The following RMDN2 variants were observed in gnomAD, a reference collection of about 807,000 sequenced individuals.
RMDN2 encodes the protein regulator of microtubule dynamics 2, also known as regulator of microtubule dynamics protein 2.
In RMDN2, 61 loss-of-function variants were observed where a neutral mutation model predicts 52.8. The observed-to-expected ratio is 1.16, with a 90% CI of 0.94 to 1.43. RMDN2 has a LOEUF of 1.43. Among genes scored for constraint, RMDN2 ranks in the 40% most tolerant of loss-of-function variants. The pLI, the probability that RMDN2 is intolerant of heterozygous loss-of-function variation, is 0.00. For missense variants in RMDN2, 592 were observed against 475.3 expected (o/e 1.25, Z -2.28); for synonymous variants, 180 against 153.1 (o/e 1.18, Z -1.30).
At chr2:38,029,673 G>A (rs1304061428) in intron 10 of RMDN2, 2 of 151,604 alleles carry the variant, frequency 1.3e-5, no homozygotes, top group East Asian at 1.9e-4. Flanking sequence ...CAAGGAGAGA[G>A]TGGAGAAAGA....
chr2:37,990,370 T>G (rs1175661583), intron 6 of RMDN2, among the ~76,000 whole-genome samples: 1 of 146,318 alleles, frequency 6.8e-6, no homozygotes, highest in Admixed American at 6.8e-5. Context: ...AATACAAAAA[T>G]TAGCCAGGCA....
intron 3 of RMDN2, 58 bp from the exon 4 acceptor site, chr2:37,975,154 A>G (rs1048945139): frequency 1.7e-5 from 17 of 1,011,684 alleles, no homozygotes; most frequent in African/African-American, 9.5e-5. Context: ...AGAAAACAAG[A>G]ATAGAATAGA....
At chr2:37,985,184 T>G (rs1044234315) in intron 5 of RMDN2, among the ~76,000 whole-genome samples, 2 of 152,110 alleles carry the variant, frequency 1.3e-5, no homozygotes, top group Non-Finnish European at 2.9e-5. Flanking sequence ...AATAAAAGCC[T>G]AGAGATATCC....
intron 1 of RMDN2, chr2:37,928,752 A>G (rs991622366): frequency 3.3e-5 from 5 of 152,416 alleles, no homozygotes; most frequent in Non-Finnish European, 7.3e-5. Flanking sequence ...GCAGTTTTCT[A>G]TATGTCTACT....
intron 10 of RMDN2, among the ~76,000 whole-genome samples, chr2:38,053,386 A>C (rs75514920): frequency 0.03 from 4,525 of 152,264 alleles, 235 homozygotes; most frequent in African/African-American, 0.1. Flanking sequence ...GGAATGTCAA[A>C]CACACACACA....
At chr2:38,023,068 C>G (rs1216799436) in intron 10 of RMDN2, among the ~76,000 whole-genome samples, 1 of 152,116 alleles carries the variant, frequency 6.6e-6, no homozygotes, top group Non-Finnish European at 1.5e-5. Flanking sequence ...ATTACCTATT[C>G]CAAGTGTTTT....
chr2:38,065,577 C>T (rs750216543), intron 10 of RMDN2, among the ~76,000 whole-genome samples: 5 of 152,138 alleles, frequency 3.3e-5, no homozygotes, highest in Non-Finnish European at 7.4e-5. Flanking sequence ...CATCAAAAAG[C>T]TTGTTTCGTG....
At chr2:38,020,642 G>T (rs1324392051), downstream of RMDN2, among the ~76,000 whole-genome samples, 1 of 152,222 alleles carries the variant, frequency 6.6e-6, no homozygotes, top group African/African-American at 2.4e-5. Flanking sequence ...GCAATGAGGG[G>T]CTTAGCACCC....
intron 10 of RMDN2, chr2:38,030,604 T>G (rs1680126950): frequency 6.6e-6 from 1 of 152,240 alleles, no homozygotes; most frequent in East Asian, 1.9e-4. Flanking sequence ...TGTAAAAAAC[T>G]GGCTTTACAT....
chr2:37,937,545 C>T (rs1667411375), intron 2 of RMDN2, among the ~76,000 whole-genome samples: 1 of 152,084 alleles, frequency 6.6e-6, no homozygotes. Context: ...AATGTTTTTC[C>T]ATTTGTTTGT....
chr2:37,951,919 T>C, intron 2 of RMDN2: 2 of 1,613,464 alleles, frequency 1.2e-6, no homozygotes, highest in Non-Finnish European at 1.7e-6. Context: ...GCCAATGATA[T>C]TCAACAAAGG....
At chr2:37,926,750 A>G (rs190462820) in intron 1 of RMDN2, among the ~76,000 whole-genome samples, 23 of 152,326 alleles carry the variant, frequency 1.5e-4, no homozygotes, top group African/African-American at 4.8e-4. Flanking sequence ...CAGCCTAGCA[A>G]CATAGGGAGA....
At chr2:38,055,813 C>A (rs1206114578) in intron 10 of RMDN2, among the ~76,000 whole-genome samples, 1 of 152,104 alleles carries the variant, frequency 6.6e-6, no homozygotes, top group African/African-American at 2.4e-5. Context: ...CCTGTCTATA[C>A]CAATTACTGC....
chr2:38,010,494 A>G (rs997936192), intron 10 of RMDN2, among the ~76,000 whole-genome samples: 4 of 152,194 alleles, frequency 2.6e-5, no homozygotes, highest in Non-Finnish European at 5.9e-5. Flanking sequence ...CTCCATGGGC[A>G]TAGGACCCTC....
intron 10 of RMDN2, among the ~76,000 whole-genome samples, chr2:38,046,750 C>T (rs756474305): frequency 2.6e-5 from 4 of 152,064 alleles, no homozygotes; most frequent in Non-Finnish European, 5.9e-5. Flanking sequence ...TTTGGGAGGC[C>T]GAGCTGGGTG....
intron 2 of RMDN2, among the ~76,000 whole-genome samples, chr2:37,930,076 C>G (rs1666599411): frequency 6.6e-6 from 1 of 152,246 alleles, no homozygotes; most frequent in South Asian, 2.1e-4. Flanking sequence ...TTCAAAAGAA[C>G]TTTCCGCAGT....
At chr2:37,983,156 C>A (rs898050587) in intron 5 of RMDN2, among the ~76,000 whole-genome samples, 10 of 152,120 alleles carry the variant, frequency 6.6e-5, no homozygotes, top group Admixed American at 3.3e-4. Flanking sequence ...CTCCCACATG[C>A]ATCTGTACCC....
intron 10 of RMDN2, among the ~76,000 whole-genome samples, chr2:38,005,458 A>G (rs1463792703): frequency 3.3e-5 from 5 of 152,042 alleles, no homozygotes; most frequent in African/African-American, 4.8e-5. Flanking sequence ...GCCAGTGATG[A>G]TGAGCATTTT....
chr2:37,989,538 C>T lies in RMDN2; in HGVS notation c.792-3C>T. Reference sequence around the variant, plus strand: ...TGTTTTTGTCTGTTTTTGTCCTTTTCAGGTATGCAGTTTTGTGTGGCTATG... The same window carrying T: ...TGTTTTTGTCTGTTTTTGTCCTTTTTAGGTATGCAGTTTTGTGTGGCTATG... On this transcript the variant is annotated splice_polypyrimidine_tract_variant and splice_region_variant and intron_variant, in intron 5 of 10. Coordinates refer to ENST00000354545, the MANE Select transcript of RMDN2 (RefSeq NM_001170791.3). 6.2e-7 allele frequency: 1 copy of T among 1,606,580 alleles called. No homozygotes were observed. Among genetic ancestry groups the T allele is most frequent in the East Asian group, 2.2e-5 (1 of 44,728 alleles).
Sources: allele counts gnomAD v4.1 joint callset (sites outside exome capture counted in the v4.1 genomes callset), GRCh38; gene constraint gnomAD v4.1.1; transcripts MANE v1.5; gene names NCBI Gene and HGNC (gene_info 2026-07-23, HGNC 2026-07-21).